The following DIAPH3 variants were observed in gnomAD, a reference collection of about 807,000 sequenced individuals.
DIAPH3 encodes diaphanous related formin 3, also known as protein diaphanous homolog 3.
A neutral mutation model predicts 144.3 loss-of-function variants in DIAPH3; 117 were observed. The ratio of observed to expected loss-of-function variants is 0.81; its 90% CI spans 0.70 to 0.95. The LOEUF is 0.95. Among genes scored for constraint, DIAPH3 ranks in the 40% least tolerant of loss-of-function variants. The pLI, the probability that DIAPH3 is intolerant of heterozygous loss-of-function variation, is 0.00. For synonymous variants in DIAPH3, 519 were observed against 488.9 expected (o/e 1.06, Z -0.81); for missense variants, 1,421 against 1,412.7 (o/e 1.01, Z -0.09).
chr13:59,821,635 T>G (rs542742234), intron 24 of DIAPH3, among the ~76,000 whole-genome samples: 87 of 152,258 alleles, frequency 5.7e-4, no homozygotes, highest in South Asian at 4.1e-3. Context: ...AAAACAAACT[T>G]ATTATAGCTA....
chr13:59,919,121 A>G (rs1394298299), intron 18 of DIAPH3, among the ~76,000 whole-genome samples: 1 of 152,106 alleles, frequency 6.6e-6, no homozygotes, highest in Non-Finnish European at 1.5e-5. Flanking sequence ...ATTTAAAAAT[A>G]TACTGTAAGA....
chr13:60,072,277 A>C (rs866999102), intron 4 of DIAPH3, among the ~76,000 whole-genome samples: 33 of 152,256 alleles, frequency 2.2e-4, no homozygotes, highest in African/African-American at 7.9e-4. Context: ...GTACCTATAG[A>C]TGTAGATATG....
intron 17 of DIAPH3, among the ~76,000 whole-genome samples, chr13:59,964,466 G>A (rs1024256): frequency 1.3e-5 from 2 of 151,956 alleles, no homozygotes; most frequent in South Asian, 4.1e-4. Flanking sequence ...ATTCAAAACA[G>A]ACATGTTTTT....
chr13:59,902,604 T>A (rs1415394222), intron 20 of DIAPH3, among the ~76,000 whole-genome samples: 3 of 152,064 alleles, frequency 2.0e-5, no homozygotes, highest in Non-Finnish European at 4.4e-5. Flanking sequence ...TGAAACCCCA[T>A]CTCTACTAAA....
At chr13:59,685,674 G>A (rs1292651273) in intron 27 of DIAPH3, among the ~76,000 whole-genome samples, 2 of 152,064 alleles carry the variant, frequency 1.3e-5, no homozygotes, top group African/African-American at 4.8e-5. Context: ...TCCTTGTTCT[G>A]TTGAAAGGGG....
At chr13:59,837,597 T>C (rs1026929742) in intron 23 of DIAPH3, 3 of 153,268 alleles carry the variant, frequency 2.0e-5, no homozygotes, top group African/African-American at 7.2e-5. Flanking sequence ...TAACAGTACT[T>C]AGTTATTAAC....
chr13:59,970,087 A>C, intron 16 of DIAPH3, 29 bp from the exon 17 acceptor site: 1 of 1,358,104 alleles, frequency 7.4e-7, no homozygotes, highest in Non-Finnish European at 1.0e-6. Context: ...CTGATTCATC[A>C]ATAGGTGAGT....
intron 13 of DIAPH3, 141 bp downstream of exon 13, chr13:59,983,628 T>C (rs1053844417): frequency 3.3e-6 from 2 of 614,244 alleles, no homozygotes; most frequent in Non-Finnish European, 5.7e-6. Flanking sequence ...AGGCGAATAA[T>C]GTTTTTGTGC....
chr13:59,966,493 T>C (rs763731740), intron 17 of DIAPH3, among the ~76,000 whole-genome samples: 55 of 152,150 alleles, frequency 3.6e-4, no homozygotes, highest in Admixed American at 2.6e-4. Flanking sequence ...GGCACTGATA[T>C]ATCACGTATG....
At chr13:59,759,511 A>G (rs757586768) in intron 27 of DIAPH3, among the ~76,000 whole-genome samples, 1 of 152,172 alleles carries the variant, frequency 6.6e-6, no homozygotes, top group Non-Finnish European at 1.5e-5. Flanking sequence ...CACTAAATAC[A>G]TTTCTTTCTC....
rs1207666096 is a variant in DIAPH3 at position 59,843,887 on chromosome 13, CGG to C, written c.2738-4441_2738-4440del. Reference sequence around the variant, plus strand: ...GAATTCCCTTGCTGTATTTATAAGTCGGATCTGAATAATGGGAACACATGGAC... The same window carrying C: ...GAATTCCCTTGCTGTATTTATAAGTCATCTGAATAATGGGAACACATGGAC... On this transcript the variant is annotated intron_variant, in intron 22 of 27. Transcript: ENST00000400324. Among the ~76,000 whole-genome samples the C allele has an allele frequency of 1.1e-4, 16 of 152,064 alleles. No homozygotes were observed. In the South Asian group the frequency reaches 3.3e-3, roughly 32 times the overall value.
rs1566162342 is a variant in DIAPH3, at chr13:59,665,830, CA to C, written c.*753del. On this transcript the variant is annotated 3_prime_UTR_variant, in exon 28 of 28. Coordinates refer to ENST00000400324, the MANE Select transcript of DIAPH3 (RefSeq NM_001042517.2). Reference sequence around the variant, plus strand: ...CAATTTTATCTCAGAGTCATAATTACAAGGGGAAAAATACTCTCTTAGCCAA... The same window carrying C: ...CAATTTTATCTCAGAGTCATAATTACAGGGGAAAAATACTCTCTTAGCCAA... 1 of 152,528 alleles carries C rather than the reference CA, an allele frequency of 6.6e-6. No homozygotes were observed. Among genetic ancestry groups the C allele is most frequent in the Non-Finnish European group, 1.5e-5 (1 of 68,010 alleles). The allele number at this position is 152,528 out of a possible 1,614,324, so 9.4% of individuals were successfully genotyped here. A position where few individuals can be genotyped will look rare whatever the true frequency, so the allele number is the denominator to read the frequency against.
chr13:59,782,976 C>T (rs2038822570), intron 25 of DIAPH3, among the ~76,000 whole-genome samples: 1 of 152,084 alleles, frequency 6.6e-6, no homozygotes, highest in Non-Finnish European at 1.5e-5. Flanking sequence ...GCCAACTCAC[C>T]AAGGGCTGAA....
chr13:59,739,904 T>C (rs1472663511), intron 27 of DIAPH3, among the ~76,000 whole-genome samples: 1 of 152,162 alleles, frequency 6.6e-6, no homozygotes, highest in Non-Finnish European at 1.5e-5. Context: ...AAACTTGGAT[T>C]TGCTGTGCAC....
intron 20 of DIAPH3, among the ~76,000 whole-genome samples, chr13:59,900,521 G>A (rs997518200): frequency 6.6e-6 from 1 of 152,140 alleles, no homozygotes; most frequent in African/African-American, 2.4e-5. Flanking sequence ...CCCTAGGTAA[G>A]GGATTGCAAT....
chr13:60,042,796 T>C lies in DIAPH3; in HGVS notation c.520A>G (p.Ile174Val), dbSNP rs1460801965. The C allele has an allele frequency of 6.2e-7, 1 of 1,613,644 alleles. No individual in the cohort carries two copies. Among genetic ancestry groups the C allele is most frequent in the Admixed American group, 1.7e-5 (1 of 60,000 alleles). Residue 174 changes from isoleucine (I) to valine (V), a missense_variant, in exon 5 of 28, where the codon ATC becomes GTC. Coordinates refer to ENST00000400324, the MANE Select transcript of DIAPH3 (RefSeq NM_001042517.2). ...KTGSLKRSRQ[I>V]SPQEFIHELK... ...TCATGAATGAATTCCTGAGGTGAGA[T>C]CTGTCGGCTTCTCTTAAGACTTCCC...
chr13:59,711,444 G>A (rs2034733277), intron 27 of DIAPH3, among the ~76,000 whole-genome samples: 1 of 151,708 alleles, frequency 6.6e-6, no homozygotes, highest in East Asian at 1.9e-4. Context: ...GACTTCTTTT[G>A]TTATTACCAC....
chr13:59,737,400 A>G (rs76813019), intron 27 of DIAPH3, among the ~76,000 whole-genome samples: 6,683 of 152,296 alleles, frequency 0.044, 241 homozygotes, highest in South Asian at 0.11. Flanking sequence ...TCATTTATTC[A>G]CCATTTATTG....
chr13:60,071,250 A>G lies in DIAPH3; in HGVS notation c.495+22378T>C, dbSNP rs377549702. 3.7e-3 allele frequency among the ~76,000 whole-genome samples: 568 copies of G among 152,254 alleles called. 2 individuals carry two copies. Among genetic ancestry groups the G allele is most frequent in the African/African-American group, 0.012 (501 of 41,550 alleles). ...ACCCCAAAGTTTCCATTTCTCTTTT[A>G]TCATCTTCCTTTTCTGATTGCTGTA... On this transcript the variant is annotated intron_variant, in intron 4 of 27. Coordinates refer to ENST00000400324, the MANE Select transcript of DIAPH3 (RefSeq NM_001042517.2).
Sources: gnomAD v4.1 joint callset for allele counts (sites outside exome capture counted in the v4.1 genomes callset) on GRCh38, gnomAD v4.1.1 for gene constraint, MANE v1.5 for transcripts, NCBI Gene and HGNC (gene_info 2026-07-23, HGNC 2026-07-21) for gene names.